Variants in BCO2 observed in about 807,000 individuals in gnomAD.
BCO2 encodes the protein carotenoid-cleaving dioxygenase, mitochondrial.
BCO2 carries 56 observed loss-of-function variants against 65.8 expected under a neutral mutation model. The ratio of observed to expected loss-of-function variants is 0.85; its 90% CI spans 0.69 to 1.06. The LOEUF is 1.06. Among genes scored for constraint, BCO2 ranks in the 50% least tolerant of loss-of-function variants. The probability of loss-of-function intolerance (pLI) is 0.00; values close to 1 mark genes in which losing one functional copy is unlikely to be tolerated. For synonymous variants in BCO2, 233 were observed against 242.3 expected, an observed-to-expected ratio of 0.96 and a Z score of 0.36; for missense variants, 675 against 698.5, an observed-to-expected ratio of 0.97 and a Z score of 0.38.
rs748992393 is a variant in BCO2, at chr11:112,216,237, C to G, written c.1533C>G (p.Gly511=). ...ACTTGCAGGTTTGGAGAGAAGATGG[C>G]TTTTATCCCTCAGAACCTGTTTTTG... is the stretch of plus-strand genomic sequence containing the variant. The part of the protein sequence containing the change: ...NKTLKVWRED[G]FYPSEPVFVP... Residue 511 remains glycine, a synonymous_variant, in exon 11 of 12, where the codon GGC becomes GGG. Coordinates refer to ENST00000357685, the MANE Select transcript of BCO2 (RefSeq NM_031938.7). The G allele has an allele frequency of 1.9e-6, 3 of 1,614,046 alleles. No homozygotes were observed. In the African/African-American group the frequency reaches 4.0e-5, roughly 22 times the overall value.
chr11:112,183,606 G>A (rs539737164), intron 2 of BCO2, among the ~76,000 whole-genome samples: 3 of 152,326 alleles, frequency 2.0e-5, no homozygotes, highest in African/African-American at 7.2e-5. Flanking sequence ...CCTAGATGCA[G>A]TATGGATATT....
chr11:112,204,106 G>C (rs1867807695), intron 8 of BCO2, among the ~76,000 whole-genome samples: 1 of 152,110 alleles, frequency 6.6e-6, no homozygotes, highest in African/African-American at 2.4e-5. Flanking sequence ...TGCCTGCGTT[G>C]GCCTCCCAAA....
intron 8 of BCO2, among the ~76,000 whole-genome samples, chr11:112,205,801 G>A (rs1004571363): frequency 6.6e-6 from 1 of 151,090 alleles, no homozygotes; most frequent in African/African-American, 2.4e-5. Context: ...GCCTTGTTAT[G>A]TTGCCAAGGC....
At chr11:112,198,507 T>C (rs779432922) in intron 5 of BCO2, among the ~76,000 whole-genome samples, 2 of 151,918 alleles carry the variant, frequency 1.3e-5, no homozygotes, top group Non-Finnish European at 1.5e-5. Flanking sequence ...GGAAAGCAGA[T>C]AAACAAGCAG....
At chr11:112,184,951 C>T (rs569282481) in intron 2 of BCO2, among the ~76,000 whole-genome samples, 1 of 152,272 alleles carries the variant, frequency 6.6e-6, no homozygotes, top group Non-Finnish European at 1.5e-5. Context: ...TCCATATGTA[C>T]ATATGCAAAG....
chr11:112,194,520 C>T (rs1867503637), intron 4 of BCO2, 133 bp from the exon 5 acceptor site: 1 of 602,534 alleles, frequency 1.7e-6, no homozygotes, highest in Non-Finnish European at 2.9e-6. Flanking sequence ...ATTTTTATTT[C>T]TCAGAGGCAA....
At chr11:112,193,720 C>T in intron 3 of BCO2, 23 bp downstream of exon 3, 5 of 1,594,958 alleles carry the variant, frequency 3.1e-6, no homozygotes, top group Non-Finnish European at 4.3e-6. Flanking sequence ...ATTATTTAAA[C>T]TATTACGATA....
chr11:112,182,575 A>G (rs953612705), intron 2 of BCO2, among the ~76,000 whole-genome samples: 1 of 152,142 alleles, frequency 6.6e-6, no homozygotes, highest in African/African-American at 2.4e-5. Flanking sequence ...GCTGGAAACT[A>G]TCATTCTCAG....
intron 2 of BCO2, among the ~76,000 whole-genome samples, chr11:112,180,262 T>TC (rs533079643): frequency 2.5e-3 from 388 of 152,354 alleles, no homozygotes; most frequent in Non-Finnish European, 3.8e-3. Flanking sequence ...GGCATTTTTT[T>TC]CCCACAATAT....
intron 1 of BCO2, 99 bp downstream of exon 1, chr11:112,175,788 A>G: frequency 1.9e-6 from 2 of 1,036,166 alleles, no homozygotes; most frequent in Non-Finnish European, 3.0e-6. Context: ...GGAGCTTCTG[A>G]AGCTTTGTGT....
chr11:112,190,931 A>G (rs1254759177), intron 2 of BCO2, among the ~76,000 whole-genome samples: 2 of 149,790 alleles, frequency 1.3e-5, no homozygotes, highest in East Asian at 1.9e-4. Context: ...ATGATTTTAT[A>G]TGCATGTATT....
chr11:112,195,929 A>G (rs1279779697), intron 5 of BCO2, among the ~76,000 whole-genome samples: 1 of 152,180 alleles, frequency 6.6e-6, no homozygotes, highest in Non-Finnish European at 1.5e-5. Flanking sequence ...ATCTTGGTGC[A>G]AGTGGTCCCT....
chr11:112,215,100 G>C, intron 10 of BCO2, 156 bp downstream of exon 10: 1 of 699,418 alleles, frequency 1.4e-6, no homozygotes, highest in Non-Finnish European at 2.4e-6. Context: ...CTAAGTTAGG[G>C]GTATGTTCCT....
intron 2 of BCO2, among the ~76,000 whole-genome samples, chr11:112,190,177 T>C (rs181437977): frequency 9.2e-5 from 14 of 152,150 alleles, no homozygotes; most frequent in Non-Finnish European, 2.1e-4. Flanking sequence ...TCCCAGCTAC[T>C]TGGGAGGCTG....
At chr11:112,179,231 G>C in intron 1 of BCO2, 47 bp from the exon 2 acceptor site, 1 of 1,566,610 alleles carries the variant, frequency 6.4e-7, no homozygotes, top group East Asian at 2.2e-5. Flanking sequence ...CAAGTTTATA[G>C]AAGATTTGGT....
chr11:112,211,689 G>A (rs1859516891), intron 8 of BCO2, among the ~76,000 whole-genome samples: 1 of 152,024 alleles, frequency 6.6e-6, no homozygotes, highest in Non-Finnish European at 1.5e-5. Flanking sequence ...ATCTCATTGT[G>A]GTTTTGATTT....
chr11:112,205,119 G>T (rs1314639579), intron 8 of BCO2, among the ~76,000 whole-genome samples: 1 of 152,198 alleles, frequency 6.6e-6, no homozygotes, highest in Non-Finnish European at 1.5e-5. Context: ...AAATTTTTGA[G>T]TAGTCAAAAG....
chr11:112,195,972 G>T (rs1867562457), intron 5 of BCO2, among the ~76,000 whole-genome samples: 1 of 152,158 alleles, frequency 6.6e-6, no homozygotes, highest in South Asian at 2.1e-4. Flanking sequence ...CACCCATCAT[G>T]AGAGCCTGTG....
At chr11:112,187,779 G>T (rs1206710056) in intron 2 of BCO2, among the ~76,000 whole-genome samples, 1 of 151,782 alleles carries the variant, frequency 6.6e-6, no homozygotes, top group Non-Finnish European at 1.5e-5. Flanking sequence ...CTTACCTTTT[G>T]GGATGCTGTA....
Sources: gnomAD v4.1 joint callset for allele counts (sites outside exome capture counted in the v4.1 genomes callset) on GRCh38, gnomAD v4.1.1 for gene constraint, MANE v1.5 for transcripts, NCBI Gene and HGNC (gene_info 2026-07-23, HGNC 2026-07-21) for gene names.